CADM1: variants seen among roughly 807,000 people sequenced by gnomAD.
The protein encoded by CADM1 is cell adhesion molecule 1.
Under a neutral mutation model 53.1 loss-of-function variants are expected in CADM1, and 15 were observed. The observed-to-expected ratio is 0.28, with a 90% CI of 0.19 to 0.44. The LOEUF is 0.44. Ranked by LOEUF, CADM1 falls within the 20% of genes least tolerant of loss-of-function variation. CADM1 has a pLI of 1.00. For missense variants in CADM1, 434 were observed against 611.3 expected (o/e 0.71, Z 3.06); for synonymous variants, 281 against 243.0 (o/e 1.16, Z -1.45).
chr11:115,296,247 G>C (rs1055330299), intron 1 of CADM1, among the ~76,000 whole-genome samples: 1 of 152,150 alleles, frequency 6.6e-6, no homozygotes, highest in African/African-American at 2.4e-5. Flanking sequence ...GACTGTGCCT[G>C]GCCCATAAAG....
intron 1 of CADM1, among the ~76,000 whole-genome samples, chr11:115,359,201 AG>A (rs1945962949): frequency 6.6e-6 from 1 of 152,212 alleles, no homozygotes; most frequent in Admixed American, 6.6e-5. Flanking sequence ...ACAGTTTTCC[AG>A]CTGAGTGGCC....
chr11:115,219,419 C>T (rs1483224976), intron 5 of CADM1, among the ~76,000 whole-genome samples: 1 of 152,086 alleles, frequency 6.6e-6, no homozygotes, highest in Non-Finnish European at 1.5e-5. Context: ...TTAAGAGAGC[C>T]CCCTTGTTCA....
At chr11:115,240,446 G>A (rs752780681) in intron 1 of CADM1, 26 bp from the exon 2 acceptor site, 1 of 1,612,692 alleles carries the variant, frequency 6.2e-7, no homozygotes, top group East Asian at 2.2e-5. Flanking sequence ...GAAAAGGTCA[G>A]AGGAAAATTT....
At chr11:115,439,802 A>G (rs751685266) in intron 1 of CADM1, among the ~76,000 whole-genome samples, 11 of 152,184 alleles carry the variant, frequency 7.2e-5, no homozygotes, top group African/African-American at 4.8e-5. Context: ...AACATGAACA[A>G]TTGCTCATTT....
intron 1 of CADM1, among the ~76,000 whole-genome samples, chr11:115,385,094 C>T (rs970384380): frequency 6.6e-6 from 1 of 151,526 alleles, no homozygotes; most frequent in Non-Finnish European, 1.5e-5. Flanking sequence ...TTTTCAGAAC[C>T]CTTACAGAAA....
intron 1 of CADM1, among the ~76,000 whole-genome samples, chr11:115,370,820 C>T (rs2135123482): frequency 6.6e-6 from 1 of 152,240 alleles, no homozygotes; most frequent in South Asian, 2.1e-4. Context: ...GTCAGAGGCA[C>T]CCACAGTGAA....
In CADM1 at chr11:115,328,924, T is replaced by A. The variant is rs561536451; in HGVS notation, c.125-88504A>T. Among the ~76,000 whole-genome samples the A allele has an allele frequency of 2.0e-5, 3 of 150,200 alleles. No individual in the cohort carries two copies. In the South Asian group the frequency reaches 6.4e-4, roughly 32 times the overall value. ...GATGAGATTATGGCATTTTATTTGATTCTGTTTTCTATATTAACTTTTATG... is the reference window on the plus strand; with the variant it reads ...GATGAGATTATGGCATTTTATTTGAATCTGTTTTCTATATTAACTTTTATG... On this transcript the variant is annotated intron_variant, in intron 1 of 11. Coordinates refer to ENST00000331581, the MANE Select transcript of CADM1 (RefSeq NM_001301043.2).
chr11:115,364,123 C>T (rs575829239), intron 1 of CADM1, among the ~76,000 whole-genome samples: 4 of 152,110 alleles, frequency 2.6e-5, no homozygotes, highest in Non-Finnish European at 5.9e-5. Flanking sequence ...ATACCTCCAT[C>T]GTGAAGCAAC....
chr11:115,190,997 AC>A, intron 9 of CADM1, 56 bp from the exon 10 acceptor site: 2 of 1,365,372 alleles, frequency 1.5e-6, no homozygotes, highest in Non-Finnish European at 2.0e-6. Context: ...CATAAACAAA[AC>A]ACTTAAGAAC....
chr11:115,284,114 C>CTGTGTGTGTG (rs751286330), intron 1 of CADM1, among the ~76,000 whole-genome samples: 1 of 98,616 alleles, frequency 1.0e-5, no homozygotes, highest in African/African-American at 3.8e-5. Context: ...CTCTCTCTCT[C>CTGTGTGTGTG]TGTGTGTGTG....
intron 1 of CADM1, among the ~76,000 whole-genome samples, chr11:115,255,713 A>G (rs891256297): frequency 6.6e-6 from 1 of 152,232 alleles, no homozygotes; most frequent in African/African-American, 2.4e-5. Context: ...CCAGGAATAA[A>G]CATGTTTAAA....
intron 1 of CADM1, among the ~76,000 whole-genome samples, chr11:115,487,960 T>C (rs868356003): frequency 3.9e-5 from 6 of 151,960 alleles, no homozygotes; most frequent in South Asian, 2.1e-4. Context: ...CTGAAAAAGA[T>C]ATATCTGCTG....
At chr11:115,433,132 C>T (rs771520060) in intron 1 of CADM1, among the ~76,000 whole-genome samples, 8 of 152,176 alleles carry the variant, frequency 5.3e-5, no homozygotes, top group Non-Finnish European at 1.0e-4. Context: ...ACCACCCCCC[C>T]ACCCAAACAT....
At chr11:115,266,265 C>T (rs540349618) in intron 1 of CADM1, among the ~76,000 whole-genome samples, 16 of 152,312 alleles carry the variant, frequency 1.1e-4, no homozygotes, top group African/African-American at 3.6e-4. Flanking sequence ...CATTAGGTGG[C>T]TTTGACAGAT....
chr11:115,492,336 G>T (rs1223792588), intron 1 of CADM1, among the ~76,000 whole-genome samples: 2 of 152,158 alleles, frequency 1.3e-5, no homozygotes, highest in Non-Finnish European at 2.9e-5. Context: ...ACTATAGGAA[G>T]TTGGGTGGGA....
At chr11:115,234,244 T>C (rs1430733524) in intron 3 of CADM1, among the ~76,000 whole-genome samples, 2 of 152,228 alleles carry the variant, frequency 1.3e-5, no homozygotes, top group South Asian at 2.1e-4. Context: ...AAAGTCTTTA[T>C]TGCCTCCATT....
chr11:115,235,672 G>T (rs1941985889), intron 3 of CADM1, among the ~76,000 whole-genome samples: 1 of 152,278 alleles, frequency 6.6e-6, no homozygotes, highest in Non-Finnish European at 1.5e-5. Flanking sequence ...TACAACAAAA[G>T]AGGAGTCTTA....
intron 6 of CADM1, among the ~76,000 whole-genome samples, chr11:115,215,696 G>A (rs1941152079): frequency 6.6e-6 from 1 of 152,146 alleles, no homozygotes; most frequent in South Asian, 2.1e-4. Context: ...TACACACCAA[G>A]TATCTTTTGA....
chr11:115,178,936 C>T (rs1939178284), intron 10 of CADM1, 161 bp from the exon 11 acceptor site: 1 of 763,316 alleles, frequency 1.3e-6, no homozygotes, highest in South Asian at 1.5e-5. Flanking sequence ...AACAGGCTGA[C>T]CTGTCCAGTG....
Sources: gnomAD v4.1 joint callset for allele counts (sites outside exome capture counted in the v4.1 genomes callset) on GRCh38, gnomAD v4.1.1 for gene constraint, MANE v1.5 for transcripts, NCBI Gene and HGNC (gene_info 2026-07-23, HGNC 2026-07-21) for gene names.